The following BARX2 variants were observed in gnomAD, a reference collection of about 807,000 sequenced individuals.
The protein encoded by BARX2 is BARX homeobox 2.
Under a neutral mutation model 25.5 loss-of-function variants are expected in BARX2, and 11 were observed. The ratio of observed to expected loss-of-function variants is 0.43; its 90% CI spans 0.27 to 0.71. The LOEUF (loss-of-function observed/expected upper bound fraction) is 0.71, where lower values mean the gene tolerates loss of function less well. BARX2 is among the 30% of genes least tolerant of loss of function. The pLI is 0.19. For missense variants in BARX2, 360 were observed against 359.9 expected, an observed-to-expected ratio of 1.00 and a Z score of 0.00; for synonymous variants, 137 against 149.5, an observed-to-expected ratio of 0.92 and a Z score of 0.61.
intron 1 of BARX2, among the ~76,000 whole-genome samples, chr11:129,385,044 G>A (rs767679412): frequency 6.6e-6 from 1 of 152,176 alleles, no homozygotes; most frequent in Non-Finnish European, 1.5e-5. Flanking sequence ...TCAATGGCCA[G>A]TAAACATGAA....
intron 1 of BARX2, among the ~76,000 whole-genome samples, chr11:129,378,835 T>C (rs1460380036): frequency 2.1e-5 from 3 of 145,628 alleles, no homozygotes; most frequent in Non-Finnish European, 3.0e-5. Context: ...GAAAGAAAAC[T>C]ACAGCATTAA....
chr11:129,420,287 G>C (rs1861990455), intron 1 of BARX2, among the ~76,000 whole-genome samples: 1 of 152,114 alleles, frequency 6.6e-6, no homozygotes, highest in Non-Finnish European at 1.5e-5. Flanking sequence ...ATACACTCAA[G>C]CTCTCCCAAA....
In BARX2 at chr11:129,406,122, A is replaced by G. The variant is rs537783992; in HGVS notation, c.187+29900A>G. Among the ~76,000 whole-genome samples, 3 of 152,358 alleles carry G rather than the reference A, an allele frequency of 2.0e-5. No individual in the cohort carries two copies. In the South Asian group the frequency reaches 6.2e-4, roughly 32 times the overall value. On this transcript the variant is annotated intron_variant, in intron 1 of 3. Coordinates refer to ENST00000281437, the MANE Select transcript of BARX2 (RefSeq NM_003658.5). Reference sequence around the variant, plus strand: ...ATGGTAACTCTAAATCAATATTTAAAAAATAATAAATGGATGGTACTAAAT... The same window carrying G: ...ATGGTAACTCTAAATCAATATTTAAGAAATAATAAATGGATGGTACTAAAT...
At chr11:129,435,763 T>G (rs1471723481) in intron 1 of BARX2, among the ~76,000 whole-genome samples, 1 of 152,212 alleles carries the variant, frequency 6.6e-6, no homozygotes, top group Admixed American at 6.5e-5. Context: ...GATCCAGACA[T>G]TTTAAGCTCT....
chr11:129,441,811 A>G (rs570819296), intron 2 of BARX2, among the ~76,000 whole-genome samples: 2 of 152,312 alleles, frequency 1.3e-5, no homozygotes, highest in East Asian at 3.9e-4. Flanking sequence ...ACAGTTGCTG[A>G]GAGAGTCTAA....
intron 1 of BARX2, among the ~76,000 whole-genome samples, chr11:129,402,841 AAAC>A (rs1223580450): frequency 1.3e-5 from 2 of 152,250 alleles, no homozygotes; most frequent in Non-Finnish European, 2.9e-5. Flanking sequence ...GATCCAAACC[AAAC>A]AACAACAAAA....
chr11:129,412,280 A>AC (rs59766327), intron 1 of BARX2, among the ~76,000 whole-genome samples: 1,849 of 152,134 alleles, frequency 0.012, 45 homozygotes, highest in African/African-American at 0.043. Context: ...TCAAAAAAAA[A>AC]AAACAAACAA....
rs148180817 is a variant in BARX2, at chr11:129,393,800, G to C, written c.187+17578G>C. Among the ~76,000 whole-genome samples the C allele has an allele frequency of 9.9e-5, 15 of 152,194 alleles. No individual in the cohort carries two copies. In the East Asian group the frequency reaches 2.1e-3, roughly 22 times the overall value. On this transcript the variant is annotated intron_variant, in intron 1 of 3. Transcript: ENST00000281437. ...AACACTTGTGTCTACCCACCACCCAGTTTAAGAAAAATATTTCAGCTAGAC... is the reference window on the plus strand; with the variant it reads ...AACACTTGTGTCTACCCACCACCCACTTTAAGAAAAATATTTCAGCTAGAC...
At chr11:129,444,397 C>T (rs1862299905) in intron 3 of BARX2, among the ~76,000 whole-genome samples, 1 of 152,110 alleles carries the variant, frequency 6.6e-6, no homozygotes, top group East Asian at 1.9e-4. Flanking sequence ...AAAATGGAGG[C>T]GACTTGGCTC....
At chr11:129,401,916 A>C (rs12277394) in intron 1 of BARX2, among the ~76,000 whole-genome samples, 42,735 of 150,426 alleles carry the variant, frequency 0.28, 8,229 homozygotes, top group East Asian at 0.53. Flanking sequence ...AGATTGCACC[A>C]TTGCACTACG....
At chr11:129,450,997 T>G in intron 3 of BARX2, 139 bp from the exon 4 acceptor site, 9 of 998,110 alleles carry the variant, frequency 9.0e-6, no homozygotes, top group East Asian at 2.5e-5. Flanking sequence ...GGTGATGGGT[T>G]GAGAATATAT....
chr11:129,418,175 C>G (rs1232947948), intron 1 of BARX2, among the ~76,000 whole-genome samples: 1 of 152,146 alleles, frequency 6.6e-6, no homozygotes, highest in African/African-American at 2.4e-5. Context: ...AAACCCAAAG[C>G]ACTATTGATA....
chr11:129,399,838 C>T (rs986120545), intron 1 of BARX2, among the ~76,000 whole-genome samples: 1 of 152,174 alleles, frequency 6.6e-6, no homozygotes, highest in African/African-American at 2.4e-5. Flanking sequence ...CTTCTGGGTG[C>T]TGCCTGGCAA....
In BARX2 at chr11:129,376,144, G is replaced by A; in HGVS notation, c.109G>A (p.Asp37Asn). The change falls in exon 1 of 4, where the codon GAT becomes AAT. Residue 37 changes from aspartate to asparagine, a missense_variant. Transcript: ENST00000281437. The surrounding 1 kb of genome is among the most constrained non-coding windows in gnomAD (Gnocchi z 4.2). ...CGAGATCCTCTCCAAGGAGACCTGC[G>A]ATTACTTTGAGAAACTTTCCCTCTA... ...IDEILSKETC[D>N]YFEKLSLYSV... 6.2e-7 allele frequency: 1 copy of A among 1,613,642 alleles called. No individual in the cohort carries two copies. Among genetic ancestry groups the A allele is most frequent in the Non-Finnish European group, 8.5e-7 (1 of 1,179,794 alleles).
At position 129,377,395 on chromosome 11, in the gene BARX2, A is replaced by C. The variant is rs140304692; in HGVS notation, c.187+1173A>C. 1.2e-3 allele frequency among the ~76,000 whole-genome samples: 188 copies of C among 152,324 alleles called. 1 individual carries two copies. The highest frequency in any genetic ancestry group is 1.8e-3 in the Admixed American group (27 of 15,304). On this transcript the variant is annotated intron_variant, in intron 1 of 3. Transcript: ENST00000281437. ...ATACAGTGAAGTTCTTTTAAAACCA[A>C]ATTGTTCCTACATGTATTTGGTTGT...
intron 1 of BARX2, among the ~76,000 whole-genome samples, chr11:129,389,204 G>C (rs1034422034): frequency 2.0e-5 from 3 of 152,198 alleles, no homozygotes; most frequent in Admixed American, 6.5e-5. Flanking sequence ...CTTAGTATTT[G>C]ATAGCTTCTA....
At chr11:129,394,000 C>T (rs1341234765) in intron 1 of BARX2, among the ~76,000 whole-genome samples, 1 of 152,010 alleles carries the variant, frequency 6.6e-6, no homozygotes, top group Non-Finnish European at 1.5e-5. Context: ...CCTGGGTTCC[C>T]CTCCCTGATG....
At chr11:129,400,850 G>A (rs1386812522) in intron 1 of BARX2, among the ~76,000 whole-genome samples, 2 of 152,148 alleles carry the variant, frequency 1.3e-5, no homozygotes, top group African/African-American at 4.8e-5. Context: ...GAGAAAATTA[G>A]GTGTCTAAGC....
chr11:129,448,776 G>A (rs942246682), intron 3 of BARX2, among the ~76,000 whole-genome samples: 4 of 152,174 alleles, frequency 2.6e-5, no homozygotes, highest in South Asian at 2.1e-4. Context: ...GTTCACAGCC[G>A]CTTCATTCAC....
Sources: gnomAD v4.1 joint callset for allele counts (sites outside exome capture counted in the v4.1 genomes callset) on GRCh38, gnomAD v4.1.1 for gene constraint, Gnocchi (gnomAD v3.1) non-coding constraint, MANE v1.5 for transcripts, NCBI Gene and HGNC (gene_info 2026-07-23, HGNC 2026-07-21) for gene names.